WIPI2: variants seen among roughly 807,000 people sequenced by gnomAD.
WIPI2 encodes WD repeat domain phosphoinositide-interacting protein 2.
A neutral mutation model predicts 52.3 loss-of-function variants in WIPI2; 28 were observed. That is an observed-to-expected ratio of 0.54 (90% CI 0.40 to 0.73). The LOEUF (loss-of-function observed/expected upper bound fraction) is 0.73, where lower values mean the gene tolerates loss of function less well. Among genes scored for constraint, WIPI2 ranks in the 30% least tolerant of loss-of-function variants. WIPI2 has a pLI of 0.00. For synonymous variants in WIPI2, 268 were observed against 245.0 expected (o/e 1.09, Z -0.88); for missense variants, 506 against 602.9 (o/e 0.84, Z 1.68).
At position 5,231,786 on chromosome 7, in the gene WIPI2, C is replaced by T. The variant is rs1783733959; in HGVS notation, c.*839C>T. 1 of 176,410 alleles carries T rather than the reference C, an allele frequency of 5.7e-6. No homozygotes were observed. The highest frequency in any genetic ancestry group is 6.3e-5 in the Admixed American group (1 of 15,946). The allele number at this position is 176,410 out of a possible 1,614,324, so 10.9% of individuals were successfully genotyped here. ...TTTTAAGTAAAGTTTGTAGCTCCTC[C>T]CATGCCCAGGAAAGCACAGAACTCA... On this transcript the variant is annotated 3_prime_UTR_variant, in exon 13 of 13. Coordinates refer to ENST00000288828, the MANE Select transcript of WIPI2 (RefSeq NM_015610.4).
Position 5,213,778 on chromosome 7 carries a change from C to T in WIPI2, c.212-757C>T, listed in dbSNP as rs540106302. On this transcript the variant is annotated intron_variant, in intron 3 of 12. Transcript: ENST00000288828. ...TTGGCTCACTTCAAGCTCCGTCCCCCGGGTTCACACCGTTCTCCTGCCTCA... is the reference window on the plus strand; with the variant it reads ...TTGGCTCACTTCAAGCTCCGTCCCCTGGGTTCACACCGTTCTCCTGCCTCA... Among the ~76,000 whole-genome samples the T allele has an allele frequency of 2.4e-3, 364 of 151,990 alleles. 2 individuals are homozygous for T. The highest frequency in any genetic ancestry group is 8.5e-3 in the African/African-American group (351 of 41,276).
intron 7 of WIPI2, chr7:5,218,398 C>T (rs1583577526): frequency 5.5e-6 from 1 of 181,170 alleles, no homozygotes; most frequent in Non-Finnish European, 1.2e-5. Context: ...AGTCTGAACA[C>T]ATTTCAGTGT....
intron 2 of WIPI2, among the ~76,000 whole-genome samples, chr7:5,194,626 A>AT (rs1562382669): frequency 6.6e-6 from 1 of 152,272 alleles, no homozygotes; most frequent in East Asian, 1.9e-4. Flanking sequence ...ACATTTTCTA[A>AT]TTTTAAACAT....
chr7:5,199,110 A>C (rs765247921), intron 2 of WIPI2, among the ~76,000 whole-genome samples: 1 of 152,098 alleles, frequency 6.6e-6, no homozygotes, highest in South Asian at 2.1e-4. Flanking sequence ...TGCAGCCTCA[A>C]CCTCCTGTCC....
chr7:5,199,753 A>T, intron 3 of WIPI2, 95 bp downstream of exon 3: 1 of 1,234,160 alleles, frequency 8.1e-7, no homozygotes, highest in Non-Finnish European at 1.1e-6. Context: ...CTGTGGTTGA[A>T]GTCCAGACAC....
At chr7:5,196,845 C>T (rs1232702034) in intron 2 of WIPI2, among the ~76,000 whole-genome samples, 1 of 151,948 alleles carries the variant, frequency 6.6e-6, no homozygotes, top group Non-Finnish European at 1.5e-5. Context: ...GGCATGGTGG[C>T]TCACACCTGT....
At chr7:5,205,285 T>TA (rs1374800520) in intron 3 of WIPI2, among the ~76,000 whole-genome samples, 2 of 152,160 alleles carry the variant, frequency 1.3e-5, no homozygotes, top group East Asian at 3.9e-4. Context: ...CCTGGCCTAT[T>TA]AGTCTTAAGT....
chr7:5,230,893 C>T lies in WIPI2; in HGVS notation c.1311C>T (p.Ala437=), dbSNP rs1783696075. 1 of 1,613,720 alleles carries T rather than the reference C, an allele frequency of 6.2e-7. No individual in the cohort carries two copies. Among genetic ancestry groups the T allele is most frequent in the Non-Finnish European group, 8.5e-7 (1 of 1,179,808 alleles). Residue 437 remains alanine (A), a synonymous_variant, in exon 13 of 13, where the codon GCC becomes GCT. Coordinates refer to ENST00000288828, the MANE Select transcript of WIPI2 (RefSeq NM_015610.4). The surrounding 1 kb of genome is among the most constrained non-coding windows in gnomAD (Gnocchi z 4.8). ...GGACLEDEAS[A]LRLDEDSEHP... The stretch of plus-strand genomic sequence containing the variant: ...CCTGCCTGGAGGACGAGGCCAGCGC[C>T]CTGCGCCTGGATGAGGACAGCGAGC...
rs1054931484 is a variant in WIPI2 at position 5,190,627 on chromosome 7, C to A, written c.74+134C>A. The A allele has an allele frequency of 5.5e-6, 5 of 902,484 alleles. No homozygotes were observed. The East Asian group carries it at 1.8e-4, about 32-fold the overall frequency. 55.9% of individuals were successfully genotyped at this position (902,484 alleles called of 1,614,324 possible). The stretch of plus-strand genomic sequence containing the variant: ...CGGGCCAAGGCGCGCAGAGGCGTCC[C>A]CAGGGGCGGGCCCGGGGCGTGCAGG... On this transcript the variant is annotated intron_variant, in intron 1 of 12. Coordinates refer to ENST00000288828, the MANE Select transcript of WIPI2 (RefSeq NM_015610.4).
At position 5,230,513 on chromosome 7, in the gene WIPI2, C is replaced by A. The variant is rs1266174077; in HGVS notation, c.1253-322C>A. Among the ~76,000 whole-genome samples the A allele has an allele frequency of 2.0e-5, 3 of 152,198 alleles. No homozygotes were observed. Among genetic ancestry groups the A allele is most frequent in the African/African-American group, 7.2e-5 (3 of 41,458 alleles). On this transcript the variant is annotated intron_variant, in intron 12 of 12. Coordinates refer to ENST00000288828, the MANE Select transcript of WIPI2 (RefSeq NM_015610.4). The surrounding 1 kb of genome is among the most constrained non-coding windows in gnomAD (Gnocchi z 4.8). ...TTCATGAGCCCACCCTGAGAGTCTCCTAGTGTCATTTTTTTTCCTGGTGTT... is the reference window on the plus strand; with the variant it reads ...TTCATGAGCCCACCCTGAGAGTCTCATAGTGTCATTTTTTTTCCTGGTGTT...
intron 3 of WIPI2, among the ~76,000 whole-genome samples, chr7:5,206,378 G>A (rs1782297187): frequency 6.6e-6 from 1 of 152,176 alleles, no homozygotes; most frequent in South Asian, 2.1e-4. Flanking sequence ...CAAAATGGTA[G>A]AAAGTTAATA....
Position 5,229,737 on chromosome 7 carries a change from TGGTAA to T in WIPI2, c.1252+2_1252+6del. 6.2e-7 allele frequency: 1 copy of T among 1,613,502 alleles called. No homozygotes were observed. The highest frequency in any genetic ancestry group is 8.5e-7 in the Non-Finnish European group (1 of 1,179,696). On this transcript the variant is annotated splice_donor_variant and splice_donor_region_variant and coding_sequence_variant and intron_variant, in exon 12 of 13. Transcript: ENST00000288828. LOFTEE classifies it high-confidence loss of function. ...ACGTGCCTTCATCCCCAACGAGACTTGGTAAGGGGCGTGACGCAAACCTGGAAGGT... is the reference window on the plus strand; with the variant it reads ...ACGTGCCTTCATCCCCAACGAGACTTGGGGCGTGACGCAAACCTGGAAGGT...
chr7:5,221,089 G>C (rs1249726407), intron 7 of WIPI2, among the ~76,000 whole-genome samples: 1 of 150,942 alleles, frequency 6.6e-6, no homozygotes, highest in African/African-American at 2.4e-5. Flanking sequence ...TCAGCCTCCT[G>C]AGTAGCTGGG....
At chr7:5,209,906 G>C (rs1583562332) in intron 3 of WIPI2, among the ~76,000 whole-genome samples, 1 of 151,790 alleles carries the variant, frequency 6.6e-6, no homozygotes, top group African/African-American at 2.4e-5. Context: ...TTCTTTTTTT[G>C]TTTTGTTTTT....
At chr7:5,199,729 C>A (rs142766293) in intron 3 of WIPI2, 71 bp downstream of exon 3, 4 of 1,425,776 alleles carry the variant, frequency 2.8e-6, no homozygotes, top group South Asian at 1.3e-5. Flanking sequence ...GGAATGCGAT[C>A]TAAAATTCAG....
intron 7 of WIPI2, chr7:5,218,691 C>T (rs541611926): frequency 3.3e-5 from 5 of 152,330 alleles, no homozygotes; most frequent in African/African-American, 9.6e-5. Context: ...AAGGAGATGG[C>T]CTCTAAATGT....
At chr7:5,195,611 A>G (rs1472603250) in intron 2 of WIPI2, among the ~76,000 whole-genome samples, 1 of 152,256 alleles carries the variant, frequency 6.6e-6, no homozygotes, top group Admixed American at 6.5e-5. Flanking sequence ...TGCCTTTCCC[A>G]TTAGTATGTC....
In WIPI2 at chr7:5,229,730, C is replaced by T. The variant is rs202132400; in HGVS notation, c.1244C>T (p.Thr415Met). 1.9e-6 allele frequency: 3 copies of T among 1,613,838 alleles called. No individual in the cohort carries two copies. Among genetic ancestry groups the T allele is most frequent in the Non-Finnish European group, 2.5e-6 (3 of 1,179,814 alleles). The change falls in exon 12 of 13, where the codon ACG (threonine) becomes ATG (methionine). Residue 415 changes from threonine (T) to methionine (M), a missense_variant. Physicochemically the swap from Thr to Met is moderately conservative, Grantham distance 81. Around this residue, in one of 4 missense-constraint regions of WIPI2, gnomAD observed 194 missense variants for 175.1 expected, o/e 1.11. Coordinates refer to ENST00000288828, the MANE Select transcript of WIPI2 (RefSeq NM_015610.4). ...GGTACTTACGTGCCTTCATCCCCAA[C>T]GAGACTTGGTAAGGGGCGTGACGCA... Reference protein sequence around the residue: ...GKGTYVPSSPTRLAYTDDLGA... With the variant: ...GKGTYVPSSPMRLAYTDDLGA...
intron 8 of WIPI2, among the ~76,000 whole-genome samples, chr7:5,223,223 G>A (rs533496137): frequency 7.9e-5 from 12 of 152,286 alleles, no homozygotes; most frequent in Admixed American, 2.0e-4. Flanking sequence ...ACAGTAGAGC[G>A]GGGGAGGCCT....
Sources: gnomAD v4.1 joint callset for allele counts (sites outside exome capture counted in the v4.1 genomes callset) on GRCh38, gnomAD v4.1.1 for gene constraint, gnomAD v4.1.1 regional missense constraint, Gnocchi (gnomAD v3.1) non-coding constraint, MANE v1.5 for transcripts, NCBI Gene and HGNC (gene_info 2026-07-23, HGNC 2026-07-21) for gene names.